The following FAM171B variants were observed in gnomAD, a reference collection of about 807,000 sequenced individuals.
FAM171B encodes the protein family with sequence similarity 171 member B, also known as protein FAM171B.
In FAM171B, 19 loss-of-function variants were observed where a neutral mutation model predicts 75.6. That is an observed-to-expected ratio of 0.25 (90% CI 0.18 to 0.37). The LOEUF (loss-of-function observed/expected upper bound fraction) is 0.37. Among genes scored for constraint, FAM171B ranks in the 10% least tolerant of loss-of-function variants. The pLI, the probability that FAM171B is intolerant of heterozygous loss-of-function variation, is 1.00. For missense variants in FAM171B, 848 were observed against 982.4 expected (o/e 0.86, Z 1.83); for synonymous variants, 367 against 361.7 (o/e 1.01, Z -0.17).
At chr2:186,733,260 T>C (rs776071337) in intron 1 of FAM171B, among the ~76,000 whole-genome samples, 17 of 152,342 alleles carry the variant, frequency 1.1e-4, no homozygotes, top group Non-Finnish European at 1.8e-4. Context: ...ATAGAATACT[T>C]GGGATATAAC....
chr2:186,750,289 C>T (rs892244108), intron 4 of FAM171B, among the ~76,000 whole-genome samples: 1 of 152,182 alleles, frequency 6.6e-6, no homozygotes, highest in African/African-American at 2.4e-5. Flanking sequence ...AAGGCACTTT[C>T]TGCTCCCTCT....
chr2:186,706,501 C>T (rs1038386597), intron 1 of FAM171B, among the ~76,000 whole-genome samples: 12 of 152,212 alleles, frequency 7.9e-5, no homozygotes, highest in Non-Finnish European at 1.5e-5. Flanking sequence ...TCTATCTTAA[C>T]AGAATTTATC....
chr2:186,759,567 T>G (rs78323895), intron 6 of FAM171B, among the ~76,000 whole-genome samples: 576 of 152,286 alleles, frequency 3.8e-3, no homozygotes, highest in African/African-American at 0.013. Context: ...TATAGTAGTT[T>G]TGACTTGCAG....
intron 1 of FAM171B, among the ~76,000 whole-genome samples, chr2:186,701,539 A>G (rs1057013020): frequency 6.6e-6 from 1 of 152,186 alleles, no homozygotes; most frequent in Non-Finnish European, 1.5e-5. Context: ...TCTCCCATCC[A>G]TGAAAGCACT....
In FAM171B at chr2:186,762,876, G is replaced by A; in HGVS notation, c.*53G>A. On this transcript the variant is annotated 3_prime_UTR_variant, in exon 8 of 8. Coordinates refer to ENST00000304698, the MANE Select transcript of FAM171B (RefSeq NM_177454.4). The surrounding 1 kb of genome is among the most constrained non-coding windows in gnomAD (Gnocchi z 4.0). ...CTCGTGCTGTTTATTCTTGCTTCTT[G>A]TTGTAAATTGCAGTACGAACTTAAG... is the stretch of plus-strand genomic sequence containing the variant. 1 of 1,549,388 alleles carries A rather than the reference G, an allele frequency of 6.5e-7. No homozygotes were observed. Among genetic ancestry groups the A allele is most frequent in the Non-Finnish European group, 8.7e-7 (1 of 1,150,278 alleles).
At chr2:186,718,852 T>G (rs1415202840) in intron 1 of FAM171B, among the ~76,000 whole-genome samples, 1 of 152,250 alleles carries the variant, frequency 6.6e-6, no homozygotes, top group Non-Finnish European at 1.5e-5. Context: ...GCACATGTGT[T>G]GTGTCATATC....
At position 186,729,244 on chromosome 2, in the gene FAM171B, A is replaced by G. The variant is rs1690077579; in HGVS notation, c.239-10984A>G. 2.6e-5 allele frequency among the ~76,000 whole-genome samples: 4 copies of G among 152,176 alleles called. No individual in the cohort carries two copies. The South Asian group carries it at 8.3e-4, about 31-fold the overall frequency. On this transcript the variant is annotated intron_variant, in intron 1 of 7. Transcript: ENST00000304698. ...ATCATTTAATACTGAACCATTTTAA[A>G]ACGAATAGTGATATGTTGAAAAGAT...
At chr2:186,733,645 TGAGTGTGG>T (rs1183654186) in intron 1 of FAM171B, among the ~76,000 whole-genome samples, 1 of 151,854 alleles carries the variant, frequency 6.6e-6, no homozygotes, top group Non-Finnish European at 1.5e-5. Flanking sequence ...CATGAGTGAG[TGAGTGTGG>T]GTGAGTGGGG....
At chr2:186,704,669 A>G (rs1689710274) in intron 1 of FAM171B, among the ~76,000 whole-genome samples, 1 of 152,212 alleles carries the variant, frequency 6.6e-6, no homozygotes, top group Non-Finnish European at 1.5e-5. Context: ...CTTGTTCATA[A>G]TCTAAAACTT....
intron 1 of FAM171B, among the ~76,000 whole-genome samples, chr2:186,712,063 G>GT (rs1413945368): frequency 6.6e-6 from 1 of 152,266 alleles, no homozygotes; most frequent in Non-Finnish European, 1.5e-5. Context: ...CTTGTGCTCA[G>GT]TAAGTGCTCT....
At chr2:186,727,451 G>A (rs1044069371) in intron 1 of FAM171B, among the ~76,000 whole-genome samples, 5 of 152,240 alleles carry the variant, frequency 3.3e-5, no homozygotes, top group Non-Finnish European at 7.3e-5. Flanking sequence ...ACCCATTTAT[G>A]AGACAGTGTA....
At chr2:186,753,832 C>T (rs1296677079) in intron 5 of FAM171B, 101 bp from the exon 6 acceptor site, 23 of 806,820 alleles carry the variant, frequency 2.9e-5, no homozygotes, top group African/African-American at 3.4e-5. Flanking sequence ...TATATTGCCA[C>T]AGTTTTCATA....
intron 1 of FAM171B, among the ~76,000 whole-genome samples, chr2:186,713,641 G>A (rs1414728972): frequency 6.6e-6 from 1 of 152,148 alleles, no homozygotes; most frequent in Non-Finnish European, 1.5e-5. Context: ...AACAAATTGT[G>A]CTTCCTGTAA....
intron 1 of FAM171B, 103 bp downstream of exon 1, chr2:186,694,514 G>A: frequency 7.1e-6 from 10 of 1,417,222 alleles, no homozygotes; most frequent in Non-Finnish European, 8.5e-6. Flanking sequence ...ATCCTCGTTC[G>A]TTCCTGTCAC....
chr2:186,756,810 A>G (rs1303657971), intron 6 of FAM171B, among the ~76,000 whole-genome samples: 3 of 152,120 alleles, frequency 2.0e-5, no homozygotes, highest in African/African-American at 7.2e-5. Context: ...TTGGCTTCAA[A>G]TGGGGGGTTT....
intron 1 of FAM171B, among the ~76,000 whole-genome samples, chr2:186,709,608 G>C (rs986382494): frequency 1.3e-5 from 2 of 152,164 alleles, no homozygotes; most frequent in African/African-American, 4.8e-5. Flanking sequence ...AGATTGTGCT[G>C]TTTTCTGAAC....
Position 186,764,479 on chromosome 2 carries a change from T to C in FAM171B, c.*1656T>C, listed in dbSNP as rs1690671534. 1 of 76,550 alleles carries C rather than the reference T, an allele frequency of 1.3e-5. No homozygotes were observed. The highest frequency in any genetic ancestry group is 5.9e-4 in the South Asian group (1 of 1,702). 4.7% of individuals were successfully genotyped at this position (76,550 alleles called of 1,614,324 possible). On this transcript the variant is annotated 3_prime_UTR_variant, in exon 8 of 8. Transcript: ENST00000304698. Reference sequence around the variant, plus strand: ...CTAGGCTTCCTTTTTTTTTTTTTTTTTTTTTTTTTAGTGATAAGGCTCATA... The same window carrying C: ...CTAGGCTTCCTTTTTTTTTTTTTTTCTTTTTTTTTAGTGATAAGGCTCATA...
At chr2:186,730,053 T>C (rs947631923) in intron 1 of FAM171B, among the ~76,000 whole-genome samples, 1 of 152,174 alleles carries the variant, frequency 6.6e-6, no homozygotes, top group Non-Finnish European at 1.5e-5. Flanking sequence ...CCTCCGCCTC[T>C]GGGTTCAAGC....
At chr2:186,759,852 T>G (rs780909261) in intron 6 of FAM171B, among the ~76,000 whole-genome samples, 12 of 152,108 alleles carry the variant, frequency 7.9e-5, no homozygotes, top group Non-Finnish European at 1.5e-4. Flanking sequence ...TATTACTCAA[T>G]AAATCTTTGC....
Sources: gnomAD v4.1 joint callset for allele counts (sites outside exome capture counted in the v4.1 genomes callset) on GRCh38, gnomAD v4.1.1 for gene constraint, Gnocchi (gnomAD v3.1) non-coding constraint, MANE v1.5 for transcripts, NCBI Gene and HGNC (gene_info 2026-07-23, HGNC 2026-07-21) for gene names.